The following CCDC192 variants were observed in gnomAD, a reference collection of about 807,000 sequenced individuals.
CCDC192 encodes coiled-coil domain containing 192.
At chr5:127,757,539 C>T (rs1467314888) in intron 3 of CCDC192, among the ~76,000 whole-genome samples, 1 of 151,838 alleles carries the variant, frequency 6.6e-6, no homozygotes, top group African/African-American at 2.4e-5. Context: ...TAAGAACAGT[C>T]CTCTGTCCCC....
At chr5:127,810,314 C>A (rs990566130) in intron 5 of CCDC192, among the ~76,000 whole-genome samples, 6 of 152,062 alleles carry the variant, frequency 3.9e-5, no homozygotes, top group Non-Finnish European at 8.8e-5. Flanking sequence ...CATGTAGGAT[C>A]CAAGGTCATT....
intron 3 of CCDC192, chr5:127,786,149 C>T (rs942932705): frequency 6.3e-6 from 7 of 1,102,730 alleles, no homozygotes; most frequent in Admixed American, 1.8e-5. Flanking sequence ...TGGAAAATTT[C>T]CAAGTGTTTT....
intron 6 of CCDC192, among the ~76,000 whole-genome samples, chr5:127,889,447 G>A (rs973309615): frequency 2.7e-5 from 4 of 148,226 alleles, no homozygotes; most frequent in Non-Finnish European, 4.4e-5. Context: ...CTGTCCCCAG[G>A]CTGGAGTGCA....
intron 4 of CCDC192, among the ~76,000 whole-genome samples, chr5:127,797,763 A>T (rs1169163515): frequency 7.8e-4 from 7 of 8,986 alleles, no homozygotes; most frequent in South Asian, 3.1e-3. Flanking sequence ...ATATATATAT[A>T]TATATATATA....
intron 5 of CCDC192, among the ~76,000 whole-genome samples, chr5:127,844,125 T>G (rs949199664): frequency 3.9e-5 from 6 of 152,236 alleles, no homozygotes; most frequent in Admixed American, 6.5e-5. Flanking sequence ...CCCATTTTTG[T>G]GTCTTTCTTC....
chr5:127,820,926 G>T (rs145327563), intron 5 of CCDC192, among the ~76,000 whole-genome samples: 1 of 151,894 alleles, frequency 6.6e-6, no homozygotes, highest in African/African-American at 2.4e-5. Flanking sequence ...CATTAAGTTC[G>T]AGATCTCACT....
intron 3 of CCDC192, among the ~76,000 whole-genome samples, chr5:127,768,358 T>C (rs1755353018): frequency 6.6e-6 from 1 of 152,130 alleles, no homozygotes; most frequent in South Asian, 2.1e-4. Context: ...GTCACACTCA[T>C]ATAGGGAGAA....
At chr5:127,732,408 G>C (rs543903685) in intron 2 of CCDC192, among the ~76,000 whole-genome samples, 1 of 152,316 alleles carries the variant, frequency 6.6e-6, no homozygotes, top group African/African-American at 2.4e-5. Context: ...ATGTAAATTA[G>C]TTCAACCATT....
At chr5:127,717,063 C>G (rs1188297434) in intron 2 of CCDC192, among the ~76,000 whole-genome samples, 1 of 151,998 alleles carries the variant, frequency 6.6e-6, no homozygotes, top group East Asian at 1.9e-4. Context: ...TCACTGAAAG[C>G]AAGACAAAAA....
chr5:127,746,680 C>A (rs1342085941), intron 2 of CCDC192, among the ~76,000 whole-genome samples: 2 of 150,518 alleles, frequency 1.3e-5, no homozygotes, highest in East Asian at 1.9e-4. Flanking sequence ...GATCCGAGGA[C>A]AATTGGTTCA....
At chr5:127,771,245 A>T (rs1226197141) in intron 3 of CCDC192, among the ~76,000 whole-genome samples, 1 of 152,204 alleles carries the variant, frequency 6.6e-6, no homozygotes, top group Non-Finnish European at 1.5e-5. Context: ...AGCACTAAGA[A>T]TTGGAGGTAG....
intron 5 of CCDC192, among the ~76,000 whole-genome samples, chr5:127,825,405 AT>A (rs1474129873): frequency 4.6e-5 from 7 of 152,198 alleles, no homozygotes; most frequent in Non-Finnish European, 8.8e-5. Flanking sequence ...CTTAGAGACC[AT>A]TTTGTTCAAA....
At chr5:127,872,596 G>A (rs1244074816) in intron 5 of CCDC192, among the ~76,000 whole-genome samples, 1 of 152,168 alleles carries the variant, frequency 6.6e-6, no homozygotes, top group Non-Finnish European at 1.5e-5. Flanking sequence ...TCCAGTCCCT[G>A]CTTGATCTTT....
At chr5:127,741,039 G>T (rs1219482116) in intron 2 of CCDC192, among the ~76,000 whole-genome samples, 3 of 152,088 alleles carry the variant, frequency 2.0e-5, no homozygotes, top group Admixed American at 2.0e-4. Flanking sequence ...AAAACAAATA[G>T]ATTTTTTTTT....
chr5:127,765,887 A>G (rs1755194875), intron 3 of CCDC192, among the ~76,000 whole-genome samples: 1 of 152,182 alleles, frequency 6.6e-6, no homozygotes, highest in South Asian at 2.1e-4. Context: ...AGTTGTCCAT[A>G]TTATGGAGAC....
In CCDC192 at chr5:127,915,223, G is replaced by T. The variant is rs1478065789; in HGVS notation, c.536-25959G>T. 2.0e-5 allele frequency among the ~76,000 whole-genome samples: 3 copies of T among 152,098 alleles called. No individual in the cohort carries two copies. In the East Asian group the frequency reaches 5.8e-4, roughly 29 times the overall value. On this transcript the variant is annotated intron_variant, in intron 6 of 6. Transcript: ENST00000514853. ...TGCAAAAACATGTTTAAAAAACAAT[G>T]CACATACCTTAATTTTAAAATACTT...
chr5:127,800,402 C>A (rs6893038), intron 5 of CCDC192, among the ~76,000 whole-genome samples: 32,866 of 83,024 alleles, frequency 0.4, 6,719 homozygotes, highest in East Asian at 0.53. Context: ...AAAAAAAAAA[C>A]AACAACAACA....
chr5:127,703,583 A>T, intron 1 of CCDC192, 76 bp downstream of exon 1: 1 of 395,516 alleles, frequency 2.5e-6, no homozygotes, highest in Non-Finnish European at 4.5e-6. Context: ...TCAGTACTTA[A>T]AAAAAAATCT....
At chr5:127,714,121 C>G (rs1013335153) in intron 2 of CCDC192, among the ~76,000 whole-genome samples, 6 of 152,122 alleles carry the variant, frequency 3.9e-5, no homozygotes, top group Non-Finnish European at 8.8e-5. Flanking sequence ...GCTTATTTCA[C>G]TTATCATGAT....
Sources: gnomAD v4.1 joint callset for allele counts (sites outside exome capture counted in the v4.1 genomes callset) on GRCh38, gnomAD v4.1.1 for gene constraint, MANE v1.5 for transcripts, NCBI Gene and HGNC (gene_info 2026-07-23, HGNC 2026-07-21) for gene names.